Variants in GPM6A observed in about 807,000 individuals in gnomAD.
GPM6A encodes the protein neuronal membrane glycoprotein M6-a.
In GPM6A, 7 loss-of-function variants were observed where a neutral mutation model predicts 32.1. The observed-to-expected ratio is 0.22, with a 90% confidence interval of 0.12 to 0.41. The LOEUF is 0.41. Among genes scored for constraint, GPM6A ranks in the 10% least tolerant of loss-of-function variants. GPM6A has a pLI of 1.00. For synonymous variants in GPM6A, 130 were observed against 123.4 expected, an observed-to-expected ratio of 1.05 and a Z score of -0.35; for missense variants, 235 against 347.2, an observed-to-expected ratio of 0.68 and a Z score of 2.57.
At chr4:175,993,289 A>G (rs1741207103) in intron 1 of GPM6A, among the ~76,000 whole-genome samples, 1 of 152,106 alleles carries the variant, frequency 6.6e-6, no homozygotes, top group Non-Finnish European at 1.5e-5. Context: ...TATAAATGAA[A>G]AAACCCTTAA....
At chr4:175,733,245 T>G (rs1286076994) in intron 1 of GPM6A, among the ~76,000 whole-genome samples, 1 of 152,212 alleles carries the variant, frequency 6.6e-6, no homozygotes, top group Non-Finnish European at 1.5e-5. Context: ...GGCTCACGCC[T>G]GTAATCCCAG....
chr4:175,641,575 T>C (rs1035381056), intron 4 of GPM6A: 3 of 152,220 alleles, frequency 2.0e-5, no homozygotes, highest in Non-Finnish European at 4.4e-5. Context: ...TTCTGAACTC[T>C]TGAAGTGCTA....
intron 4 of GPM6A, among the ~76,000 whole-genome samples, chr4:175,645,351 C>T (rs945513353): frequency 3.3e-5 from 5 of 152,146 alleles, no homozygotes; most frequent in Non-Finnish European, 7.3e-5. Flanking sequence ...CTATGACTTT[C>T]ATCACTAAGG....
intron 1 of GPM6A, among the ~76,000 whole-genome samples, chr4:175,992,093 G>C (rs941969560): frequency 1.4e-4 from 15 of 106,928 alleles, no homozygotes; most frequent in East Asian, 5.1e-4. Flanking sequence ...CACACACACA[G>C]AGATGTAAAT....
chr4:175,910,451 A>ATTC (rs1222806194), intron 1 of GPM6A, among the ~76,000 whole-genome samples: 1 of 152,090 alleles, frequency 6.6e-6, no homozygotes, highest in African/African-American at 2.4e-5. Context: ...CGGGTACATA[A>ATTC]TTCACTCTCT....
chr4:175,790,193 T>A (rs1733958196), intron 1 of GPM6A: 1 of 152,190 alleles, frequency 6.6e-6, no homozygotes, highest in Admixed American at 6.5e-5. Context: ...CAGTTTTTTA[T>A]TCCCCATCTA....
intron 1 of GPM6A, among the ~76,000 whole-genome samples, chr4:175,820,346 T>C (rs11934468): frequency 0.83 from 126,064 of 152,108 alleles, 53,755 homozygotes; most frequent in Middle Eastern, 0.95. Flanking sequence ...CTACCTCCTG[T>C]TAATAATCAC....
chr4:175,689,937 C>T (rs528630579), intron 2 of GPM6A, among the ~76,000 whole-genome samples: 1 of 152,314 alleles, frequency 6.6e-6, no homozygotes, highest in Admixed American at 6.5e-5. Flanking sequence ...CCCTTCTGGT[C>T]TCTTTTTCTC....
intron 1 of GPM6A, among the ~76,000 whole-genome samples, chr4:175,809,255 C>T (rs926734702): frequency 1.3e-5 from 2 of 152,186 alleles, no homozygotes; most frequent in African/African-American, 4.8e-5. Context: ...TTGCTCAACC[C>T]CTCTGTAGTA....
chr4:175,870,373 G>A (rs1736869173), intron 1 of GPM6A, among the ~76,000 whole-genome samples: 1 of 151,954 alleles, frequency 6.6e-6, no homozygotes, highest in Admixed American at 6.6e-5. Context: ...CAGCATCTTA[G>A]GCTACCTTGT....
At chr4:175,846,774 A>G (rs558554686) in intron 1 of GPM6A, among the ~76,000 whole-genome samples, 1 of 152,288 alleles carries the variant, frequency 6.6e-6, no homozygotes, top group African/African-American at 2.4e-5. Context: ...ATTGAGATAT[A>G]GAATGTAGCA....
chr4:175,935,609 A>T (rs1739191300), intron 1 of GPM6A, among the ~76,000 whole-genome samples: 1 of 152,180 alleles, frequency 6.6e-6, no homozygotes, highest in Non-Finnish European at 1.5e-5. Flanking sequence ...TATATTCCTT[A>T]TGAAGAAAAA....
chr4:175,801,118 T>C (rs1704156199), intron 1 of GPM6A: 1 of 152,216 alleles, frequency 6.6e-6, no homozygotes, highest in African/African-American at 2.4e-5. Context: ...CAATAAAGTC[T>C]TCAAATAGTT....
chr4:175,878,856 C>G (rs1393818083), intron 1 of GPM6A, among the ~76,000 whole-genome samples: 1 of 152,126 alleles, frequency 6.6e-6, no homozygotes, highest in Non-Finnish European at 1.5e-5. Context: ...TGCTTTGCTT[C>G]CCTTTTAAAT....
At chr4:175,862,926 C>T (rs1451012515) in intron 1 of GPM6A, among the ~76,000 whole-genome samples, 2 of 152,152 alleles carry the variant, frequency 1.3e-5, no homozygotes, top group Admixed American at 6.6e-5. Flanking sequence ...CAATTATACC[C>T]GCACCATGAA....
intron 6 of GPM6A, among the ~76,000 whole-genome samples, chr4:175,635,846 A>T (rs1740547230): frequency 1.3e-5 from 2 of 152,132 alleles, no homozygotes; most frequent in Non-Finnish European, 2.9e-5. Context: ...AGGGAAGAGA[A>T]ACTAAGTTGA....
At chr4:175,919,269 G>T (rs964033437) in intron 1 of GPM6A, among the ~76,000 whole-genome samples, 2 of 151,754 alleles carry the variant, frequency 1.3e-5, no homozygotes, top group African/African-American at 2.4e-5. Context: ...GAGTTTTTTT[G>T]AGGTACTTCT....
At chr4:175,943,836 A>G (rs1369663933) in intron 1 of GPM6A, among the ~76,000 whole-genome samples, 1 of 151,982 alleles carries the variant, frequency 6.6e-6, no homozygotes, top group African/African-American at 2.4e-5. Context: ...TTGGCCTGAG[A>G]TTTTCTTTGT....
At chr4:175,738,404 G>T (rs942498256) in intron 1 of GPM6A, among the ~76,000 whole-genome samples, 2 of 152,028 alleles carry the variant, frequency 1.3e-5, no homozygotes, top group African/African-American at 4.8e-5. Flanking sequence ...CTTATGGTCA[G>T]TACTACCATT....
Sources: gnomAD v4.1 joint callset for allele counts (sites outside exome capture counted in the v4.1 genomes callset) on GRCh38, gnomAD v4.1.1 for gene constraint, MANE v1.5 for transcripts, NCBI Gene and HGNC (gene_info 2026-07-23, HGNC 2026-07-21) for gene names.